WWTR1: variants seen among roughly 807,000 people sequenced by gnomAD.
The protein encoded by WWTR1 is WW domain containing transcription regulator 1, also known as WW domain-containing transcription regulator protein 1.
In WWTR1, 13 loss-of-function variants were observed where a neutral mutation model predicts 40.1. The observed-to-expected ratio is 0.32, with a 90% confidence interval of 0.21 to 0.52. The LOEUF is 0.52. Among genes scored for constraint, WWTR1 ranks in the 20% least tolerant of loss-of-function variants. The pLI, the probability that WWTR1 is intolerant of heterozygous loss-of-function variation, is 0.97. For missense variants in WWTR1, 436 were observed against 523.1 expected (o/e 0.83, Z 1.63); for synonymous variants, 230 against 210.1 (o/e 1.09, Z -0.82).
At chr3:149,545,273 A>T (rs1321436694) in intron 3 of WWTR1, among the ~76,000 whole-genome samples, 1 of 152,126 alleles carries the variant, frequency 6.6e-6, no homozygotes, top group East Asian at 1.9e-4. Flanking sequence ...GACATCCAGA[A>T]GGGTTTAATT....
At chr3:149,603,665 C>T (rs1739355334) in intron 2 of WWTR1, among the ~76,000 whole-genome samples, 1 of 151,784 alleles carries the variant, frequency 6.6e-6, no homozygotes, top group Non-Finnish European at 1.5e-5. Flanking sequence ...TGAACTGCCC[C>T]ACTGATGAAA....
chr3:149,717,898 T>C (rs762967713), intron 4 of WWTR1, among the ~76,000 whole-genome samples: 2 of 152,098 alleles, frequency 1.3e-5, no homozygotes, highest in Non-Finnish European at 2.9e-5. Context: ...TATTCATTCA[T>C]GTTTTTCTCC....
At position 149,676,077 on chromosome 3, in the gene WWTR1, A is replaced by G. The variant is rs951971325; in HGVS notation, c.-107-6186T>C. On this transcript the variant is annotated intron_variant, in intron 1 of 7. Coordinates refer to the WWTR1 transcript ENST00000465804. ...TACTGGTAAGGAATTATGGTGGAAC[A>G]TTGACCATGTCCTAATGTCCACACC... 3.9e-5 allele frequency among the ~76,000 whole-genome samples: 6 copies of G among 152,180 alleles called. 1 individual carries two copies. The highest frequency in any genetic ancestry group is 1.4e-4 in the African/African-American group (6 of 41,426).
In WWTR1 at chr3:149,612,470, T is replaced by A. The variant is rs931153733; in HGVS notation, c.432-39470A>T. The stretch of plus-strand genomic sequence containing the variant: ...ACCTAGAACCCTTAAGAGAAAGGTA[T>A]CATTTGTAATTAATTTTCCTGTCCT... On this transcript the variant is annotated intron_variant, in intron 2 of 6. Coordinates refer to ENST00000360632, the MANE Select transcript of WWTR1 (RefSeq NM_015472.6). Among the ~76,000 whole-genome samples the A allele has an allele frequency of 3.3e-5, 5 of 152,164 alleles. No homozygotes were observed. The East Asian group carries it at 5.8e-4, about 18-fold the overall frequency.
At chr3:149,522,733 T>C (rs1488764595) in intron 6 of WWTR1, among the ~76,000 whole-genome samples, 2 of 151,940 alleles carry the variant, frequency 1.3e-5, no homozygotes, top group East Asian at 3.9e-4. Flanking sequence ...CCAAGCAAAA[T>C]CTCTGTTTTA....
Position 149,685,142 on chromosome 3 carries a change from T to G in WWTR1, c.-107-15251A>C, listed in dbSNP as rs565562323. 3.0e-4 allele frequency among the ~76,000 whole-genome samples: 45 copies of G among 152,280 alleles called. No homozygotes were observed. The East Asian group carries it at 6.9e-3, about 24-fold the overall frequency. ...TGCTCTCTTATAATCCTGGGAGGAA[T>G]TGCCTTACAAACCACTAATTTAGCT... On this transcript the variant is annotated intron_variant, in intron 1 of 7. Coordinates refer to the WWTR1 transcript ENST00000465804.
At position 149,593,651 on chromosome 3, in the gene WWTR1, T is replaced by C. The variant is rs141039122; in HGVS notation, c.432-20651A>G. ...GACTTAAAAAACATTAAACGACTTATACAAATGGAAACAAAATGCTCTTTG... is the reference window on the plus strand; with the variant it reads ...GACTTAAAAAACATTAAACGACTTACACAAATGGAAACAAAATGCTCTTTG... On this transcript the variant is annotated intron_variant, in intron 2 of 6. Coordinates refer to ENST00000360632, the MANE Select transcript of WWTR1 (RefSeq NM_015472.6). 1.1e-4 allele frequency among the ~76,000 whole-genome samples: 17 copies of C among 152,336 alleles called. No homozygotes were observed. In the South Asian group the frequency reaches 2.9e-3, roughly 26 times the overall value.
At chr3:149,650,571 T>A (rs1167495656) in intron 2 of WWTR1, among the ~76,000 whole-genome samples, 1 of 152,168 alleles carries the variant, frequency 6.6e-6, no homozygotes, top group Non-Finnish European at 1.5e-5. Flanking sequence ...TGACTCTCAC[T>A]CTCTGCCTTG....
intron 2 of WWTR1, among the ~76,000 whole-genome samples, chr3:149,645,734 G>A (rs1174023116): frequency 6.6e-6 from 1 of 152,134 alleles, no homozygotes; most frequent in Non-Finnish European, 1.5e-5. Context: ...CTTTGCAAGT[G>A]CAAACTAGGA....
At chr3:149,633,195 C>T (rs1222489367) in intron 2 of WWTR1, among the ~76,000 whole-genome samples, 1 of 152,038 alleles carries the variant, frequency 6.6e-6, no homozygotes, top group Non-Finnish European at 1.5e-5. Flanking sequence ...TCAAGGACAG[C>T]CTGGGCAACA....
chr3:149,669,341 C>A (rs1559835778), intron 2 of WWTR1, among the ~76,000 whole-genome samples: 1 of 152,216 alleles, frequency 6.6e-6, no homozygotes, highest in African/African-American at 2.4e-5. Context: ...GCAGCCTGGG[C>A]AGCAGTGGGT....
At chr3:149,619,020 T>A (rs539280910) in intron 2 of WWTR1, among the ~76,000 whole-genome samples, 13 of 152,316 alleles carry the variant, frequency 8.5e-5, no homozygotes, top group African/African-American at 3.1e-4. Context: ...AAACGTGCCA[T>A]TCTGTCATGA....
intron 2 of WWTR1, among the ~76,000 whole-genome samples, chr3:149,585,482 A>G (rs913742087): frequency 6.6e-6 from 1 of 152,196 alleles, no homozygotes; most frequent in African/African-American, 2.4e-5. Flanking sequence ...CAATTGACTC[A>G]GAGACAAAAA....
chr3:149,718,029 A>C (rs755112344), intron 4 of WWTR1, among the ~76,000 whole-genome samples: 2 of 152,192 alleles, frequency 1.3e-5, no homozygotes, highest in Non-Finnish European at 2.9e-5. Flanking sequence ...AAGGGAAATT[A>C]TACAAAATTA....
chr3:149,598,692 C>T (rs1020754875), intron 2 of WWTR1, among the ~76,000 whole-genome samples: 3 of 152,158 alleles, frequency 2.0e-5, no homozygotes, highest in Middle Eastern at 3.4e-3. Context: ...ATTCAAATGC[C>T]GTTAAAAACT....
intron 2 of WWTR1, among the ~76,000 whole-genome samples, chr3:149,625,216 G>A (rs1446831712): frequency 6.7e-6 from 1 of 149,796 alleles, no homozygotes; most frequent in Non-Finnish European, 1.5e-5. Flanking sequence ...CTGCCTCCCG[G>A]GTTCATGCCA....
intron 2 of WWTR1, among the ~76,000 whole-genome samples, chr3:149,626,510 T>TA (rs201199010): frequency 0.035 from 4,896 of 140,766 alleles, 80 homozygotes; most frequent in Admixed American, 0.057. Flanking sequence ...CTATAGTATG[T>TA]AAAAAAAAAA....
At chr3:149,658,166 TC>T (rs1713379056), upstream of WWTR1, 2 of 153,744 alleles carry the variant, frequency 1.3e-5, no homozygotes, top group Admixed American at 1.3e-4. Context: ...CTCCTCCTCC[TC>T]CCACCTCGGC....
At position 149,524,566 on chromosome 3, in the gene WWTR1, A is replaced by G. The variant is rs373708913; in HGVS notation, c.1018+1447T>C. Among the ~76,000 whole-genome samples the G allele has an allele frequency of 5.6e-4, 85 of 152,290 alleles. 1 individual carries two copies. In the East Asian group the frequency reaches 0.012, roughly 22 times the overall value. The stretch of plus-strand genomic sequence containing the variant: ...GGGGTGGTGGTGGGGGAAGAACTGA[A>G]GTAATAAACTGAAGAACAGTAAAAC... On this transcript the variant is annotated intron_variant, in intron 6 of 6. Coordinates refer to ENST00000360632, the MANE Select transcript of WWTR1 (RefSeq NM_015472.6).
Sources: gnomAD v4.1 joint callset for allele counts (sites outside exome capture counted in the v4.1 genomes callset) on GRCh38, gnomAD v4.1.1 for gene constraint, MANE v1.5 for transcripts, NCBI Gene and HGNC (gene_info 2026-07-23, HGNC 2026-07-21) for gene names.